Variants in ITPRIP observed in about 807,000 individuals in gnomAD.
ITPRIP encodes the protein inositol 1,4,5-trisphosphate receptor interacting protein, also known as inositol 1,4,5-trisphosphate receptor-interacting protein.
ITPRIP carries 32 observed loss-of-function variants against 35.8 expected under a neutral mutation model. The ratio of observed to expected loss-of-function variants is 0.89; its 90% confidence interval spans 0.68 to 1.20. The LOEUF (loss-of-function observed/expected upper bound fraction) is 1.20. Ranked by LOEUF, ITPRIP falls within the 50% of genes most tolerant of loss-of-function variation. The pLI is 0.00. For synonymous variants in ITPRIP, 358 were observed against 324.0 expected, an observed-to-expected ratio of 1.11 and a Z score of -1.13; for missense variants, 653 against 735.6, an observed-to-expected ratio of 0.89 and a Z score of 1.30.
At position 104,328,125 on chromosome 10, in the gene ITPRIP, G is replaced by T; in HGVS notation, c.-14+10121C>A. ...TCCCCACAAATGCCCACCACTTGCAGGAAGGATGCCTCTCCCACAGCCAGC... is the reference window on the plus strand; with the variant it reads ...TCCCCACAAATGCCCACCACTTGCATGAAGGATGCCTCTCCCACAGCCAGC... On this transcript the variant is annotated intron_variant, in intron 1 of 1. Transcript: ENST00000337478. The surrounding 1 kb of genome is among the most constrained non-coding windows in gnomAD (Gnocchi z 4.1). 1 of 666,900 alleles carries T rather than the reference G, an allele frequency of 1.5e-6. No homozygotes were observed. The highest frequency in any genetic ancestry group is 1.9e-6 in the Non-Finnish European group (1 of 538,936). 41.3% of individuals were successfully genotyped at this position (666,900 alleles called of 1,614,324 possible).
At position 104,313,786 on chromosome 10, in the gene ITPRIP, C is replaced by T. The variant is rs892079464; in HGVS notation, c.*622G>A. ...CTCTATGCCACCAAGTACCCATTTC[C>T]GTGTGACAGAGACGTTAGTCATTTG... On this transcript the variant is annotated 3_prime_UTR_variant, in exon 2 of 2. Transcript: ENST00000337478. 4 of 985,534 alleles carry T rather than the reference C, an allele frequency of 4.1e-6. No homozygotes were observed. The highest frequency in any genetic ancestry group is 4.7e-5 in the South Asian group (1 of 21,288). The allele number at this position is 985,534 out of a possible 1,614,324, so 61.0% of individuals were successfully genotyped here.
rs2013587009 is a variant in ITPRIP at position 104,314,680 on chromosome 10, GA to G, written c.1371del (p.Leu458CysfsTer170). 6.2e-7 allele frequency: 1 copy of G among 1,613,774 alleles called. No individual in the cohort carries two copies. The highest frequency in any genetic ancestry group is 8.5e-7 in the Non-Finnish European group (1 of 1,179,932). The stretch of plus-strand genomic sequence containing the variant: ...TCCAGGAAGCACAGCAACTCGTGCA[GA>G]CGAGCGTCCAGCTGCCCCGCCTTCC... ...ADWKAGQLDARLHELLCFLEK... is the reference protein window; with the variant it reads ...ADWKAGQLDAXLHELLCFLEK... On this transcript the variant is annotated frameshift_variant, in exon 2 of 2. Transcript: ENST00000337478. LOFTEE classifies it high-confidence loss of function.
chr10:104,314,644 G>A lies in ITPRIP; in HGVS notation c.1408C>T (p.Leu470Phe), dbSNP rs771295609. ...ELLCFLEKSLLQKKLHHFFIG... is the reference protein window; with the variant it reads ...ELLCFLEKSLFQKKLHHFFIG... ...AAGAAGTGGTGGAGCTTCTTCTGGA[G>A]CAAGCTCTTCTCCAGGAAGCACAGC... The change falls in exon 2 of 2, where the codon CTC becomes TTC. Residue 470 changes from leucine to phenylalanine, a missense_variant. Coordinates refer to ENST00000337478, the MANE Select transcript of ITPRIP (RefSeq NM_001272013.2). The A allele has an allele frequency of 6.2e-7, 1 of 1,613,962 alleles. No homozygotes were observed. Among genetic ancestry groups the A allele is most frequent in the African/African-American group, 1.3e-5 (1 of 74,942 alleles).
chr10:104,332,837 G>A (rs1226591690), intron 1 of ITPRIP, among the ~76,000 whole-genome samples: 1 of 152,212 alleles, frequency 6.6e-6, no homozygotes, highest in Non-Finnish European at 1.5e-5. Context: ...GTTGAGTGAG[G>A]TGAACTGTGA....
chr10:104,329,048 C>CACACACACACACACACACAT (rs2014095672), intron 1 of ITPRIP: 1 of 122,182 alleles, frequency 8.2e-6, no homozygotes, highest in Admixed American at 7.4e-5. Context: ...CGCATGCACA[C>CACACACACACACACACACAT]ACACACACAC....
At chr10:104,316,236 C>G (rs774273425) in intron 1 of ITPRIP, among the ~76,000 whole-genome samples, 172 bp from the exon 2 acceptor site, 1 of 152,144 alleles carries the variant, frequency 6.6e-6, no homozygotes, top group Non-Finnish European at 1.5e-5. Flanking sequence ...CATGGAAGAG[C>G]CCCAAAGGCC....
intron 1 of ITPRIP, among the ~76,000 whole-genome samples, chr10:104,332,551 C>T (rs1209879068): frequency 3.3e-5 from 5 of 152,202 alleles, no homozygotes; most frequent in African/African-American, 4.8e-5. Context: ...CTGCCTCTTT[C>T]GTCTCCTGTG....
Position 104,315,583 on chromosome 10 carries a change from C to T in ITPRIP, c.469G>A (p.Ala157Thr), listed in dbSNP as rs1677106222. The T allele has an allele frequency of 6.2e-7, 1 of 1,613,858 alleles. No homozygotes were observed. The highest frequency in any genetic ancestry group is 1.7e-5 in the Admixed American group (1 of 60,030). Residue 157 changes from alanine (A) to threonine (T), a missense_variant, in exon 2 of 2, where the codon GCA (alanine) becomes ACA (threonine). Transcript: ENST00000337478. The surrounding 1 kb of genome is among the most constrained non-coding windows in gnomAD (Gnocchi z 5.7). ...ERCIRGATAD[A>T]ARTREFLEGF... Reference sequence around the variant, plus strand: ...TCCAGGAACTCCCGGGTACGGGCTGCATCGGCCGTGGCCCCCCGGATGCAG... The same window carrying T: ...TCCAGGAACTCCCGGGTACGGGCTGTATCGGCCGTGGCCCCCCGGATGCAG...
rs2013668239 is a variant in ITPRIP, at chr10:104,315,916, C to G, written c.136G>C (p.Glu46Gln). The change falls in exon 2 of 2, where the codon GAG (glutamate) becomes CAG (glutamine). Residue 46 changes from glutamate to glutamine, a missense_variant. Glu to Gln is a conservative substitution (Grantham distance 29). Transcript: ENST00000337478. This position sits in a 1 kb window ranked among gnomAD's most constrained non-coding sequence, Gnocchi z 5.7. The part of the protein sequence containing the change: ...EIIRKMQAHQ[E>Q]KLQLEQLRLE... Reference sequence around the variant, plus strand: ...CGCAACTGCTCCAGCTGCAGCTTCTCCTGGTGCGCCTGCATCTTGCGGATG... The same window carrying G: ...CGCAACTGCTCCAGCTGCAGCTTCTGCTGGTGCGCCTGCATCTTGCGGATG... 2 of 1,613,886 alleles carry G rather than the reference C, an allele frequency of 1.2e-6. No individual in the cohort carries two copies. Among genetic ancestry groups the G allele is most frequent in the Admixed American group, 3.3e-5 (2 of 60,004 alleles).
chr10:104,322,557 C>T (rs931103888), intron 1 of ITPRIP, among the ~76,000 whole-genome samples: 2 of 152,208 alleles, frequency 1.3e-5, no homozygotes, highest in Non-Finnish European at 2.9e-5. Flanking sequence ...TTCTAATGCC[C>T]GCTTATGTCT....
At chr10:104,336,508 C>G (rs1461477352) in intron 1 of ITPRIP, among the ~76,000 whole-genome samples, 13 of 75,430 alleles carry the variant, frequency 1.7e-4, no homozygotes, top group South Asian at 4.3e-4. Flanking sequence ...GGGGGGGGGG[C>G]AGCGGGGCAT....
Position 104,314,641 on chromosome 10 carries a change from G to A in ITPRIP, c.1411C>T (p.Gln471Ter). The stretch of plus-strand genomic sequence containing the variant: ...ATGAAGAAGTGGTGGAGCTTCTTCT[G>A]GAGCAAGCTCTTCTCCAGGAAGCAC... ...LLCFLEKSLLQKKLHHFFIGN... is the reference protein window; with the variant it reads ...LLCFLEKSLL The change falls in exon 2 of 2, where the codon CAG becomes TAG. Residue 471 changes from glutamine (Q) to a stop codon, truncating the protein, a stop_gained. Transcript: ENST00000337478. LOFTEE classifies it high-confidence loss of function. 1 of 1,614,104 alleles carries A rather than the reference G, an allele frequency of 6.2e-7. No individual in the cohort carries two copies. The highest frequency in any genetic ancestry group is 8.5e-7 in the Non-Finnish European group (1 of 1,180,002).
Position 104,314,483 on chromosome 10 carries a change from C to A in ITPRIP, c.1569G>T (p.Met523Ile). 1.9e-6 allele frequency: 3 copies of A among 1,614,168 alleles called. No homozygotes were observed. Among genetic ancestry groups the A allele is most frequent in the Non-Finnish European group, 2.5e-6 (3 of 1,180,036 alleles). ...YRKTLDSFYE[M>I]LKNAPALISE... ...TAATGAGCGCTGGGGCATTCTTGAG[C>A]ATCTCATAGAAGGAGTCCAGTGTCT... is the stretch of plus-strand genomic sequence containing the variant. Residue 523 changes from methionine to isoleucine, a missense_variant, in exon 2 of 2, where the codon ATG (methionine) becomes ATT (isoleucine). By Grantham distance (10) the Met-to-Ile change is conservative (BLOSUM62 1). Transcript: ENST00000337478.
At chr10:104,337,745 C>A (rs1359015915) in intron 1 of ITPRIP, among the ~76,000 whole-genome samples, 1 of 151,916 alleles carries the variant, frequency 6.6e-6, no homozygotes, top group African/African-American at 2.4e-5. Flanking sequence ...AACTTCACTA[C>A]CATGAACCGA....
In ITPRIP at chr10:104,315,312, C is replaced by T. The variant is rs542883286; in HGVS notation, c.740G>A (p.Arg247His). The change falls in exon 2 of 2, where the codon CGC (arginine) becomes CAC (histidine). Residue 247 changes from arginine (R) to histidine (H), a missense_variant. By Grantham distance (29) the Arg-to-His change is conservative. Coordinates refer to ENST00000337478, the MANE Select transcript of ITPRIP (RefSeq NM_001272013.2). The surrounding 1 kb of genome is among the most constrained non-coding windows in gnomAD (Gnocchi z 5.7). ...GCAGCTCAATGTGTCCCCATCGGCG[C>T]GGACCACCTTGATCTGGCCGTAGCC... is the stretch of plus-strand genomic sequence containing the variant. ...RQGYGQIKVV[R>H]ADGDTLSCIC... 1.1e-5 allele frequency: 17 copies of T among 1,578,816 alleles called. No homozygotes were observed. The highest frequency in any genetic ancestry group is 2.7e-5 in the African/African-American group (2 of 74,470).
rs954347017 is a variant in ITPRIP at position 104,313,817 on chromosome 10, C to T, written c.*591G>A. On this transcript the variant is annotated 3_prime_UTR_variant, in exon 2 of 2. Coordinates refer to ENST00000337478, the MANE Select transcript of ITPRIP (RefSeq NM_001272013.2). Reference sequence around the variant, plus strand: ...ACAGAGACGTTAGTCATTTGGGCCTCGAATTTATACAAGGTCTTTTCTCCA... The same window carrying T: ...ACAGAGACGTTAGTCATTTGGGCCTTGAATTTATACAAGGTCTTTTCTCCA... 4.1e-6 allele frequency: 4 copies of T among 985,432 alleles called. No individual in the cohort carries two copies. Among genetic ancestry groups the T allele is most frequent in the Non-Finnish European group, 4.8e-6 (4 of 830,078 alleles). 61.0% of individuals were successfully genotyped at this position (985,432 alleles called of 1,614,324 possible). A position where few individuals can be genotyped will look rare whatever the true frequency, so the allele number is the denominator to read the frequency against.
rs763440556 is a variant in ITPRIP, at chr10:104,315,110, G to C, written c.942C>G (p.Gly314=). Residue 314 remains glycine (G), a synonymous_variant, in exon 2 of 2, where the codon GGC becomes GGG. Transcript: ENST00000337478. The surrounding 1 kb of genome is among the most constrained non-coding windows in gnomAD (Gnocchi z 5.7). ...GGTCGAACTCGTACTTGTGGGCGAT[G>C]CCCTTCCAGGCTCTGGTGAGGGCCG... The part of the protein sequence containing the change: ...FQTALTRAWK[G]IAHKYEFDLA... The C allele has an allele frequency of 8.1e-6, 13 of 1,614,180 alleles. No homozygotes were observed. In the East Asian group the frequency reaches 2.5e-4, roughly 30 times the overall value.
chr10:104,313,590 A>G lies in ITPRIP; in HGVS notation c.*818T>C. 1 of 985,388 alleles carries G rather than the reference A, an allele frequency of 1.0e-6. No individual in the cohort carries two copies. Among genetic ancestry groups the G allele is most frequent in the Non-Finnish European group, 1.2e-6 (1 of 829,964 alleles). 61.0% of individuals were successfully genotyped at this position (985,388 alleles called of 1,614,324 possible). On this transcript the variant is annotated 3_prime_UTR_variant, in exon 2 of 2. Transcript: ENST00000337478. ...ATAGTCAGAAAGACCAGCTTTGGAG[A>G]GAATAAAGAGAGGTGGGGGGCTGCT...
At position 104,313,894 on chromosome 10, in the gene ITPRIP, G is replaced by A. The variant is rs949787658; in HGVS notation, c.*514C>T. ...GTGGGACCACTATTGTGCAGGATGC[G>A]GATCAAAGGTGGACATTCCCATATC... On this transcript the variant is annotated 3_prime_UTR_variant, in exon 2 of 2. Transcript: ENST00000337478. The A allele has an allele frequency of 3.0e-6, 3 of 986,890 alleles. No individual in the cohort carries two copies. Among genetic ancestry groups the A allele is most frequent in the Middle Eastern group, 5.2e-4 (1 of 1,936 alleles). The allele number at this position is 986,890 out of a possible 1,614,324, so 61.1% of individuals were successfully genotyped here.
Sources: gnomAD v4.1 joint callset for allele counts (sites outside exome capture counted in the v4.1 genomes callset) on GRCh38, gnomAD v4.1.1 for gene constraint, Gnocchi (gnomAD v3.1) non-coding constraint, MANE v1.5 for transcripts, NCBI Gene and HGNC (gene_info 2026-07-23, HGNC 2026-07-21) for gene names.